Variants in CDKAL1 observed in about 807,000 individuals in gnomAD.
The protein encoded by CDKAL1 is threonylcarbamoyladenosine tRNA methylthiotransferase.
CDKAL1 carries 32 observed loss-of-function variants against 68.2 expected under a neutral mutation model. That is an observed-to-expected ratio of 0.47 (90% CI 0.35 to 0.63). CDKAL1 has a LOEUF of 0.63. CDKAL1 is among the 30% of genes least tolerant of loss of function. The pLI is 0.00. For synonymous variants in CDKAL1, 234 were observed against 244.3 expected, an observed-to-expected ratio of 0.96 and a Z score of 0.39; for missense variants, 606 against 696.7, an observed-to-expected ratio of 0.87 and a Z score of 1.47.
intron 4 of CDKAL1, among the ~76,000 whole-genome samples, chr6:20,639,905 G>A (rs1451451579): frequency 6.6e-6 from 1 of 152,208 alleles, no homozygotes; most frequent in South Asian, 2.1e-4. Flanking sequence ...TCCTGACCTC[G>A]TGATCCGCCC....
intron 9 of CDKAL1, among the ~76,000 whole-genome samples, chr6:20,896,389 C>T (rs1387132559): frequency 6.6e-6 from 1 of 152,202 alleles, no homozygotes; most frequent in East Asian, 1.9e-4. Context: ...TGAGCCACCA[C>T]GCCTGGCCTC....
intron 4 of CDKAL1, among the ~76,000 whole-genome samples, chr6:20,606,154 C>T (rs1282885546): frequency 1.3e-5 from 2 of 151,976 alleles, no homozygotes; most frequent in African/African-American, 2.4e-5. Flanking sequence ...ATATGTTCGG[C>T]CTGTTTTTTG....
intron 9 of CDKAL1, among the ~76,000 whole-genome samples, chr6:20,890,233 C>A (rs966641224): frequency 9.9e-5 from 15 of 152,222 alleles, no homozygotes; most frequent in African/African-American, 3.6e-4. Context: ...AATGTACACA[C>A]CATGTGTGTT....
At chr6:21,213,966 A>G (rs9460609) in intron 15 of CDKAL1, among the ~76,000 whole-genome samples, 11,038 of 152,264 alleles carry the variant, frequency 0.072, 857 homozygotes, top group African/African-American at 0.2. Flanking sequence ...AAAATGTGGT[A>G]TGTAGTAGAA....
intron 9 of CDKAL1, among the ~76,000 whole-genome samples, chr6:20,894,106 T>C (rs1761548032): frequency 6.6e-6 from 1 of 152,204 alleles, no homozygotes; most frequent in Admixed American, 6.5e-5. Context: ...ATATTGGTAG[T>C]TCATTAGCTT....
intron 10 of CDKAL1, among the ~76,000 whole-genome samples, chr6:20,980,220 G>GATATAGAT (rs898753476): frequency 1.3e-5 from 2 of 148,540 alleles, no homozygotes; most frequent in African/African-American, 4.9e-5. Context: ...TATAGATATA[G>GATATAGAT]ATATAGATAT....
intron 5 of CDKAL1, among the ~76,000 whole-genome samples, chr6:20,720,788 C>G (rs560413977): frequency 1.3e-5 from 2 of 152,190 alleles, no homozygotes; most frequent in East Asian, 3.9e-4. Flanking sequence ...CGTGAGCCCT[C>G]GCACTGGCCT....
chr6:21,209,618 G>C (rs118164082), intron 15 of CDKAL1, among the ~76,000 whole-genome samples: 1 of 152,124 alleles, frequency 6.6e-6, no homozygotes, highest in African/African-American at 2.4e-5. Context: ...TCACCTGTGC[G>C]ACATAATTAC....
At chr6:21,089,728 G>A (rs1002680833) in intron 12 of CDKAL1, among the ~76,000 whole-genome samples, 2 of 152,202 alleles carry the variant, frequency 1.3e-5, no homozygotes, top group Non-Finnish European at 2.9e-5. Flanking sequence ...AGCTTGAAGC[G>A]TCATGGGTGA....
intron 7 of CDKAL1, among the ~76,000 whole-genome samples, chr6:20,779,655 G>A (rs779903389): frequency 2.9e-4 from 44 of 152,196 alleles, no homozygotes; most frequent in Non-Finnish European, 5.9e-4. Flanking sequence ...CGTGATCTTG[G>A]CTCACTGCAA....
chr6:20,694,260 C>G (rs746248948), intron 5 of CDKAL1, among the ~76,000 whole-genome samples: 14 of 152,154 alleles, frequency 9.2e-5, no homozygotes, highest in Non-Finnish European at 1.8e-4. Context: ...CAGGCTGGAT[C>G]TCAAACTCCT....
At chr6:20,708,002 G>C (rs1290726134) in intron 5 of CDKAL1, among the ~76,000 whole-genome samples, 1 of 151,844 alleles carries the variant, frequency 6.6e-6, no homozygotes, top group Non-Finnish European at 1.5e-5. Flanking sequence ...TATTATAAGA[G>C]TAGGAAAAGC....
In CDKAL1 at chr6:20,823,562, C is replaced by T. The variant is rs560031601; in HGVS notation, c.639-22513C>T. On this transcript the variant is annotated intron_variant, in intron 8 of 15. Coordinates refer to ENST00000274695, the MANE Select transcript of CDKAL1 (RefSeq NM_017774.3). ...TCATTTAATTTTACATAAACATGCT[C>T]TGTGAGGCTGAAGCAAATCTGACTG... is the stretch of plus-strand genomic sequence containing the variant. Among the ~76,000 whole-genome samples, 37 of 152,258 alleles carry T rather than the reference C, an allele frequency of 2.4e-4. 1 individual carries two copies. Among genetic ancestry groups the T allele is most frequent in the South Asian group, 4.1e-4 (2 of 4,826 alleles).
At chr6:21,201,817 G>C (rs1475207611) in intron 15 of CDKAL1, among the ~76,000 whole-genome samples, 1 of 151,990 alleles carries the variant, frequency 6.6e-6, no homozygotes, top group African/African-American at 2.4e-5. Flanking sequence ...TTTATACCTT[G>C]GTAAATATGG....
At chr6:20,930,884 A>G (rs1763413656) in intron 9 of CDKAL1, among the ~76,000 whole-genome samples, 1 of 152,112 alleles carries the variant, frequency 6.6e-6, no homozygotes, top group Non-Finnish European at 1.5e-5. Context: ...AGCTGGAACT[A>G]CAGGCACCTG....
At chr6:20,907,874 C>T (rs1762300271) in intron 9 of CDKAL1, among the ~76,000 whole-genome samples, 1 of 152,142 alleles carries the variant, frequency 6.6e-6, no homozygotes, top group Non-Finnish European at 1.5e-5. Context: ...CTTGTGGGCA[C>T]CATGCCACTG....
At chr6:20,536,508 G>A (rs996907164) in intron 2 of CDKAL1, among the ~76,000 whole-genome samples, 3 of 151,868 alleles carry the variant, frequency 2.0e-5, no homozygotes, top group Non-Finnish European at 4.4e-5. Context: ...AAAAAACTAC[G>A]CTTTCCCCCT....
chr6:20,703,567 TTTATAG>T (rs1675115499), intron 5 of CDKAL1, among the ~76,000 whole-genome samples: 1 of 152,226 alleles, frequency 6.6e-6, no homozygotes, highest in Non-Finnish European at 1.5e-5. Context: ...TTGAAGATAT[TTTATAG>T]TTATTGTTCC....
chr6:20,755,076 T>C (rs542321375), intron 6 of CDKAL1, among the ~76,000 whole-genome samples: 1 of 152,318 alleles, frequency 6.6e-6, no homozygotes, highest in Non-Finnish European at 1.5e-5. Flanking sequence ...TAGGAAAACA[T>C]TTTTCTTTAT....
Sources: gnomAD v4.1 joint callset for allele counts (sites outside exome capture counted in the v4.1 genomes callset) on GRCh38, gnomAD v4.1.1 for gene constraint, MANE v1.5 for transcripts, NCBI Gene and HGNC (gene_info 2026-07-23, HGNC 2026-07-21) for gene names.